Variants in PPP3CC observed in about 807,000 individuals in gnomAD.
PPP3CC encodes protein phosphatase 3 catalytic subunit gamma.
PPP3CC carries 35 observed loss-of-function variants against 60.3 expected under a neutral mutation model. The ratio of observed to expected loss-of-function variants is 0.58; its 90% CI spans 0.44 to 0.77. The LOEUF (loss-of-function observed/expected upper bound fraction) is 0.77. Among genes scored for constraint, PPP3CC ranks in the 30% least tolerant of loss-of-function variants. The pLI, the probability that PPP3CC is intolerant of heterozygous loss-of-function variation, is 0.00. For synonymous variants in PPP3CC, 206 were observed against 224.3 expected (o/e 0.92, Z 0.73); for missense variants, 570 against 628.9 (o/e 0.91, Z 1.00).
At chr8:22,444,873 C>T (rs1451142166) in intron 1 of PPP3CC, among the ~76,000 whole-genome samples, 2 of 152,094 alleles carry the variant, frequency 1.3e-5, no homozygotes, top group African/African-American at 2.4e-5. Flanking sequence ...CTAGTTTCCA[C>T]GTTCCTTTTC....
intron 1 of PPP3CC, among the ~76,000 whole-genome samples, chr8:22,473,034 T>C (rs2132465024): frequency 6.6e-6 from 1 of 152,324 alleles, no homozygotes; most frequent in South Asian, 2.1e-4. Context: ...CTGCTATCGT[T>C]TTTTCAGTGA....
intron 3 of PPP3CC, among the ~76,000 whole-genome samples, chr8:22,497,165 G>C (rs1838614803): frequency 6.6e-6 from 1 of 152,096 alleles, no homozygotes; most frequent in Non-Finnish European, 1.5e-5. Flanking sequence ...GAGTAGCTGG[G>C]GTTACAGGCA....
intron 1 of PPP3CC, among the ~76,000 whole-genome samples, chr8:22,455,839 G>C (rs993997532): frequency 2.9e-4 from 44 of 151,796 alleles, no homozygotes; most frequent in African/African-American, 9.4e-4. Context: ...GTTCTAGGAG[G>C]GCCAGTTTTT....
intron 12 of PPP3CC, among the ~76,000 whole-genome samples, chr8:22,537,726 T>G (rs767368963): frequency 2.0e-5 from 3 of 152,180 alleles, no homozygotes; most frequent in Non-Finnish European, 2.9e-5. Context: ...TAAAAAGGAA[T>G]TAAATGCAGG....
intron 1 of PPP3CC, among the ~76,000 whole-genome samples, chr8:22,461,431 C>G (rs1837359812): frequency 6.6e-6 from 1 of 152,114 alleles, no homozygotes; most frequent in Admixed American, 6.5e-5. Context: ...GGTAATATTA[C>G]TGTTGGTCGA....
intron 1 of PPP3CC, among the ~76,000 whole-genome samples, chr8:22,447,862 A>C (rs766038188): frequency 6.6e-6 from 1 of 152,202 alleles, no homozygotes; most frequent in African/African-American, 2.4e-5. Flanking sequence ...TTAACTTGGT[A>C]ACCAGGATCT....
intron 10 of PPP3CC, among the ~76,000 whole-genome samples, chr8:22,528,963 T>C (rs548843537): frequency 6.6e-6 from 1 of 152,344 alleles, no homozygotes; most frequent in South Asian, 2.1e-4. Flanking sequence ...CCCAAGTTTT[T>C]GCCGACAAAA....
chr8:22,501,078 C>T (rs1838748567), intron 4 of PPP3CC, among the ~76,000 whole-genome samples: 1 of 152,110 alleles, frequency 6.6e-6, no homozygotes, highest in Non-Finnish European at 1.5e-5. Context: ...GGGAGGATCA[C>T]CTGAGCTCAG....
chr8:22,508,213 C>G (rs1454600851), intron 4 of PPP3CC, among the ~76,000 whole-genome samples: 1 of 152,102 alleles, frequency 6.6e-6, no homozygotes, highest in East Asian at 1.9e-4. Context: ...TATGATTGCA[C>G]TACTGCACTC....
At chr8:22,454,873 G>A (rs1208185339) in intron 1 of PPP3CC, among the ~76,000 whole-genome samples, 5 of 151,756 alleles carry the variant, frequency 3.3e-5, no homozygotes, top group South Asian at 2.1e-4. Flanking sequence ...TCGAGACCAC[G>A]GTGAAACCCC....
At chr8:22,481,058 T>C (rs1838049417) in intron 3 of PPP3CC, among the ~76,000 whole-genome samples, 1 of 152,084 alleles carries the variant, frequency 6.6e-6, no homozygotes, top group Non-Finnish European at 1.5e-5. Context: ...CATTTGGCTG[T>C]GCGCAGTGGC....
At chr8:22,479,217 A>T (rs942273829) in intron 3 of PPP3CC, among the ~76,000 whole-genome samples, 2 of 151,684 alleles carry the variant, frequency 1.3e-5, no homozygotes, top group African/African-American at 4.8e-5. Flanking sequence ...TCTTATTAAA[A>T]TTTTTTGTTA....
intron 6 of PPP3CC, among the ~76,000 whole-genome samples, chr8:22,515,914 T>C (rs1318590070): frequency 3.7e-5 from 1 of 27,232 alleles, no homozygotes; most frequent in Non-Finnish European, 6.1e-5. Flanking sequence ...TTTCTTCTTC[T>C]TTATTTTATT....
At position 22,498,003 on chromosome 8, in the gene PPP3CC, T is replaced by C; in HGVS notation, c.375T>C (p.Cys125=). 1 of 1,602,172 alleles carries C rather than the reference T, an allele frequency of 6.2e-7. No individual in the cohort carries two copies. Among genetic ancestry groups the C allele is most frequent in the Non-Finnish European group, 8.5e-7 (1 of 1,172,988 alleles). Residue 125 remains cysteine (C), a splice_region_variant and synonymous_variant, in exon 4 of 14, where the codon TGT becomes TGC. Coordinates refer to ENST00000240139, the MANE Select transcript of PPP3CC (RefSeq NM_005605.5). ...YVDRGYFSIE[C]VLYLWSLKIN... ...TTATGCTTGAATTTGTCTTGTAGTGTGTGCTGTATTTATGGAGTTTAAAGA... is the reference window on the plus strand; with the variant it reads ...TTATGCTTGAATTTGTCTTGTAGTGCGTGCTGTATTTATGGAGTTTAAAGA...
intron 4 of PPP3CC, among the ~76,000 whole-genome samples, chr8:22,499,048 C>T (rs534313523): frequency 1.5e-4 from 23 of 151,790 alleles, no homozygotes; most frequent in African/African-American, 4.6e-4. Context: ...GGCTTGAACC[C>T]GGGAGATGGA....
chr8:22,451,966 C>T (rs1837043094), intron 1 of PPP3CC, among the ~76,000 whole-genome samples: 1 of 151,400 alleles, frequency 6.6e-6, no homozygotes, highest in Non-Finnish European at 1.5e-5. Context: ...TCATACTTGT[C>T]GTCCTAGAAT....
intron 3 of PPP3CC, among the ~76,000 whole-genome samples, chr8:22,478,264 G>A (rs1310001606): frequency 2.0e-5 from 3 of 151,326 alleles, no homozygotes; most frequent in African/African-American, 7.3e-5. Flanking sequence ...GCAGTTCTCT[G>A]CCTCTGCCTC....
In PPP3CC at chr8:22,454,125, CATACTT is replaced by C. The variant is rs572443146; in HGVS notation, c.49+12669_49+12674del. On this transcript the variant is annotated intron_variant, in intron 1 of 13. Coordinates refer to ENST00000240139, the MANE Select transcript of PPP3CC (RefSeq NM_005605.5). ...TTTTAAACTTTTTAACTCTTGTACT[CATACTT>C]AGCTTAAAACACAAACACATATAGC... is the stretch of plus-strand genomic sequence containing the variant. 4.5e-4 allele frequency among the ~76,000 whole-genome samples: 69 copies of C among 152,320 alleles called. 1 individual carries two copies. In the East Asian group the frequency reaches 0.012, roughly 27 times the overall value.
chr8:22,523,794 A>G, intron 8 of PPP3CC: 1 of 323,148 alleles, frequency 3.1e-6, no homozygotes, highest in Non-Finnish European at 6.4e-6. Flanking sequence ...TTGGGGTCAG[A>G]AACAAGGTAT....
Sources: gnomAD v4.1 joint callset for allele counts (sites outside exome capture counted in the v4.1 genomes callset) on GRCh38, gnomAD v4.1.1 for gene constraint, MANE v1.5 for transcripts, NCBI Gene and HGNC (gene_info 2026-07-23, HGNC 2026-07-21) for gene names.